Variants in FUBP3 observed in about 807,000 individuals in gnomAD.
FUBP3 encodes the protein far upstream element-binding protein 3.
A neutral mutation model predicts 85.6 loss-of-function variants in FUBP3; 28 were observed. The observed-to-expected ratio is 0.33, with a 90% CI of 0.24 to 0.45. The LOEUF is 0.45. Among genes scored for constraint, FUBP3 ranks in the 20% least tolerant of loss-of-function variants. FUBP3 has a pLI of 1.00. For missense variants in FUBP3, 583 were observed against 755.1 expected (o/e 0.77, Z 2.67); for synonymous variants, 271 against 271.4 (o/e 1.00, Z 0.01).
In FUBP3 at chr9:130,612,061, C is replaced by T. The variant is rs1831772266; in HGVS notation, c.225-395C>T. ...CTAGAGAGGACTCCACAATAGAAGT[C>T]TAAACATCTCCCAAAACCCTGGAGG... On this transcript the variant is annotated intron_variant, in intron 3 of 18. Transcript: ENST00000319725. This position sits in a 1 kb window ranked among gnomAD's most constrained non-coding sequence, Gnocchi z 4.1. 6.6e-6 allele frequency among the ~76,000 whole-genome samples: 1 copy of T among 152,178 alleles called. No individual in the cohort carries two copies. The highest frequency in any genetic ancestry group is 2.4e-5 in the African/African-American group (1 of 41,424).
rs549573216 is a variant in FUBP3, at chr9:130,616,262, C to T, written c.405-93C>T. 117 of 1,233,378 alleles carry T rather than the reference C, an allele frequency of 9.5e-5. 1 individual carries two copies. The highest frequency in any genetic ancestry group is 7.1e-4 in the South Asian group (51 of 72,340). The allele number at this position is 1,233,378 out of a possible 1,614,324, so 76.4% of individuals were successfully genotyped here. A position where few individuals can be genotyped will look rare whatever the true frequency, so the allele number is the denominator to read the frequency against. ...CTGGATGGAGGGCTGCCCTGACTCC[C>T]GCAGGTTTTTCCCTCAGTGCTATTT... On this transcript the variant is annotated intron_variant, in intron 6 of 18. Coordinates refer to ENST00000319725, the MANE Select transcript of FUBP3 (RefSeq NM_003934.2). The surrounding 1 kb of genome is among the most constrained non-coding windows in gnomAD (Gnocchi z 4.7).
chr9:130,629,776 TC>T (rs910827482), intron 12 of FUBP3, among the ~76,000 whole-genome samples: 1 of 152,222 alleles, frequency 6.6e-6, no homozygotes, highest in African/African-American at 2.4e-5. Flanking sequence ...ATTACCTTTT[TC>T]TCCACTTTTC....
intron 3 of FUBP3, 89 bp downstream of exon 3, chr9:130,610,076 G>T: frequency 9.4e-7 from 1 of 1,065,116 alleles, no homozygotes; most frequent in Non-Finnish European, 1.4e-6. Context: ...GAAAGTCAGA[G>T]GTTGAGAATG....
Position 130,635,331 on chromosome 9 carries a change from G to A in FUBP3, c.1582+593G>A, listed in dbSNP as rs765078993. Among the ~76,000 whole-genome samples, 3 of 152,150 alleles carry A rather than the reference G, an allele frequency of 2.0e-5. No homozygotes were observed. Among genetic ancestry groups the A allele is most frequent in the Admixed American group, 6.5e-5 (1 of 15,268 alleles). ...CACATAAAATCAGGACCAGACTCTC[G>A]GGATATATCCCACGATTACTAGACC... On this transcript the variant is annotated intron_variant, in intron 17 of 18. Transcript: ENST00000319725. This position sits in a 1 kb window ranked among gnomAD's most constrained non-coding sequence, Gnocchi z 4.3.
intron 1 of FUBP3, chr9:130,580,674 A>G (rs1279908215): frequency 6.6e-6 from 1 of 152,194 alleles, no homozygotes; most frequent in East Asian, 1.9e-4. Flanking sequence ...CACAGGAGTC[A>G]TTGTATTAGA....
rs139800995 is a variant in FUBP3, at chr9:130,615,725, A to G, written c.405-630A>G. 7.7e-4 allele frequency among the ~76,000 whole-genome samples: 118 copies of G among 152,328 alleles called. 1 individual carries two copies. Among genetic ancestry groups the G allele is most frequent in the African/African-American group, 2.8e-3 (115 of 41,574 alleles). ...CAACTTGGCTGCCATGGAAAGCCCAAAGCAGGTGTCTGTGAGTGCACAGCT... is the reference window on the plus strand; with the variant it reads ...CAACTTGGCTGCCATGGAAAGCCCAGAGCAGGTGTCTGTGAGTGCACAGCT... On this transcript the variant is annotated intron_variant, in intron 6 of 18. Transcript: ENST00000319725.
chr9:130,606,178 TG>T (rs1228651202), intron 2 of FUBP3, among the ~76,000 whole-genome samples: 1 of 152,086 alleles, frequency 6.6e-6, no homozygotes, highest in African/African-American at 2.4e-5. Context: ...GTAGTGTCCC[TG>T]GGGGAAAAGC....
At chr9:130,614,901 C>T (rs1831924161) in intron 6 of FUBP3, among the ~76,000 whole-genome samples, 1 of 152,200 alleles carries the variant, frequency 6.6e-6, no homozygotes, top group South Asian at 2.1e-4. Context: ...CTGTTACTCA[C>T]ATACTCAGAA....
chr9:130,590,203 A>G (rs1183436548), intron 1 of FUBP3, among the ~76,000 whole-genome samples: 1 of 152,096 alleles, frequency 6.6e-6, no homozygotes, highest in Non-Finnish European at 1.5e-5. Flanking sequence ...TCATCCGTGT[A>G]TCTCCCAAGA....
At chr9:130,589,186 A>G (rs1193751120) in intron 1 of FUBP3, among the ~76,000 whole-genome samples, 1 of 152,120 alleles carries the variant, frequency 6.6e-6, no homozygotes, top group Non-Finnish European at 1.5e-5. Flanking sequence ...TTTGGTTATG[A>G]AACTTGTCAG....
rs376932493 is a variant in FUBP3 at position 130,626,421 on chromosome 9, G to A, written c.1033G>A (p.Asp345Asn). The A allele has an allele frequency of 6.2e-6, 10 of 1,613,994 alleles. No individual in the cohort carries two copies. The highest frequency in any genetic ancestry group is 3.3e-5 in the Admixed American group (2 of 59,996). The change falls in exon 12 of 19, where the codon GAC (aspartate) becomes AAC (asparagine). Residue 345 changes from aspartate (D) to asparagine (N), a missense_variant. Asp to Asn is a conservative substitution (Grantham distance 23, BLOSUM62 1). Coordinates refer to ENST00000319725, the MANE Select transcript of FUBP3 (RefSeq NM_003934.2). ...CAGAGGAAGAGGTCGTGGCCGTGGCGACTGGAGCGTGGGAGCCCCTGGTGG... is the reference window on the plus strand; with the variant it reads ...CAGAGGAAGAGGTCGTGGCCGTGGCAACTGGAGCGTGGGAGCCCCTGGTGG... ...AARGRGRGRG[D>N]WSVGAPGGVQ...
At position 130,637,123 on chromosome 9, in the gene FUBP3, G is replaced by A; in HGVS notation, c.*101G>A. ...TTTGCAAACCTTTTGATGAAGAACT[G>A]TTGTTTTGTTCTGTGAAACACTATA... is the stretch of plus-strand genomic sequence containing the variant. On this transcript the variant is annotated 3_prime_UTR_variant, in exon 19 of 19. Coordinates refer to ENST00000319725, the MANE Select transcript of FUBP3 (RefSeq NM_003934.2). The A allele has an allele frequency of 1.0e-6, 1 of 958,152 alleles. No individual in the cohort carries two copies. The highest frequency in any genetic ancestry group is 1.7e-6 in the Non-Finnish European group (1 of 587,136). 59.4% of individuals were successfully genotyped at this position (958,152 alleles called of 1,614,324 possible).
In FUBP3 at chr9:130,637,786, ATT is replaced by A. The variant is rs1830466692; in HGVS notation, c.*765_*766del. ...AAAACAAAACAAAAAACCTTTCTCTATTATCTCAGAAATATAAATACTGTTAT... is the reference window on the plus strand; with the variant it reads ...AAAACAAAACAAAAAACCTTTCTCTAATCTCAGAAATATAAATACTGTTAT... On this transcript the variant is annotated 3_prime_UTR_variant, in exon 19 of 19. Coordinates refer to ENST00000319725, the MANE Select transcript of FUBP3 (RefSeq NM_003934.2). 1.3e-5 allele frequency: 2 copies of A among 152,560 alleles called. No individual in the cohort carries two copies. Among genetic ancestry groups the A allele is most frequent in the Non-Finnish European group, 2.9e-5 (2 of 68,028 alleles). The allele number at this position is 152,560 out of a possible 1,614,324, so 9.5% of individuals were successfully genotyped here.
chr9:130,604,351 G>T (rs962000223), intron 2 of FUBP3, among the ~76,000 whole-genome samples: 13 of 152,304 alleles, frequency 8.5e-5, no homozygotes, highest in Admixed American at 8.5e-4. Flanking sequence ...ATAGATACAT[G>T]ATAAGTGACA....
At position 130,637,492 on chromosome 9, in the gene FUBP3, A is replaced by G. The variant is rs1830457769; in HGVS notation, c.*470A>G. 1 of 164,702 alleles carries G rather than the reference A, an allele frequency of 6.1e-6. No homozygotes were observed. Among genetic ancestry groups the G allele is most frequent in the South Asian group, 1.6e-4 (1 of 6,156 alleles). The allele number at this position is 164,702 out of a possible 1,614,324, so 10.2% of individuals were successfully genotyped here. The stretch of plus-strand genomic sequence containing the variant: ...TAAATTCATTTAATGTTTTACTTCT[A>G]ATTTCTTGTATCTTGGCTGTCTGGT... On this transcript the variant is annotated 3_prime_UTR_variant, in exon 19 of 19. Transcript: ENST00000319725.
intron 11 of FUBP3, among the ~76,000 whole-genome samples, chr9:130,624,946 G>A (rs528574216): frequency 6.6e-6 from 1 of 152,302 alleles, no homozygotes; most frequent in African/African-American, 2.4e-5. Flanking sequence ...TTAGCTGGAC[G>A]TGGTGGCTCA....
rs199503537 is a variant in FUBP3 at position 130,626,388 on chromosome 9, G to A, written c.1000G>A (p.Ala334Thr). 51 of 1,613,492 alleles carry A rather than the reference G, an allele frequency of 3.2e-5. No individual in the cohort carries two copies. In the Middle Eastern group the frequency reaches 2.6e-3, roughly 83 times the overall value. The change falls in exon 12 of 19, where the codon GCA becomes ACA. Residue 334 changes from alanine to threonine, a missense_variant. This residue lies in a region of FUBP3 where 404 missense variants were observed against 516.8 expected (regional missense o/e 0.78). Transcript: ENST00000319725. ...GGAAAGAGACGGCTTTGGAGGCCTGGCAGCAGCCAGAGGAAGAGGTCGTGG... is the reference window on the plus strand; with the variant it reads ...GGAAAGAGACGGCTTTGGAGGCCTGACAGCAGCCAGAGGAAGAGGTCGTGG... ...AQERDGFGGL[A>T]AARGRGRGRG...
At chr9:130,606,546 C>T (rs10793947) in intron 2 of FUBP3, among the ~76,000 whole-genome samples, 66,659 of 151,852 alleles carry the variant, frequency 0.44, 16,245 homozygotes, top group African/African-American at 0.65. Context: ...TGTGGCCGGG[C>T]GCGGTGGCTC....
intron 2 of FUBP3, among the ~76,000 whole-genome samples, chr9:130,595,947 A>G (rs569014431): frequency 6.6e-6 from 1 of 152,352 alleles, no homozygotes; most frequent in African/African-American, 2.4e-5. Context: ...GATTTGGTGC[A>G]TGGCTCTAGG....
Sources: gnomAD v4.1 joint callset for allele counts (sites outside exome capture counted in the v4.1 genomes callset) on GRCh38, gnomAD v4.1.1 for gene constraint, gnomAD v4.1.1 regional missense constraint, Gnocchi (gnomAD v3.1) non-coding constraint, MANE v1.5 for transcripts, NCBI Gene and HGNC (gene_info 2026-07-23, HGNC 2026-07-21) for gene names.